LRGUK: variants seen among roughly 807,000 people sequenced by gnomAD.
LRGUK encodes the protein leucine rich repeats and guanylate kinase domain containing, also known as leucine-rich repeat and guanylate kinase domain-containing protein.
In LRGUK, 65 loss-of-function variants were observed where a neutral mutation model predicts 76.0. The observed-to-expected ratio is 0.85, with a 90% CI of 0.70 to 1.05. The LOEUF (loss-of-function observed/expected upper bound fraction) is 1.05. Ranked by LOEUF, LRGUK falls within the 50% of genes least tolerant of loss-of-function variation. The probability of loss-of-function intolerance (pLI) is 0.00; values close to 1 mark genes in which losing one functional copy is unlikely to be tolerated. For synonymous variants in LRGUK, 268 were observed against 265.6 expected (o/e 1.01, Z -0.09); for missense variants, 758 against 732.8 (o/e 1.03, Z -0.40).
chr7:134,180,526 T>C (rs1019703242), intron 10 of LRGUK, among the ~76,000 whole-genome samples: 4 of 152,150 alleles, frequency 2.6e-5, no homozygotes, highest in African/African-American at 7.2e-5. Flanking sequence ...ATTTCCTTTT[T>C]TCCCACACCA....
At chr7:134,263,745 A>G in intron 19 of LRGUK, 100 bp from the exon 20 acceptor site, 2 of 1,183,660 alleles carry the variant, frequency 1.7e-6, no homozygotes, top group Non-Finnish European at 2.3e-6. Context: ...GTCATGAACG[A>G]ATTCTAGAAA....
chr7:134,157,683 C>T (rs1032218391), intron 5 of LRGUK, among the ~76,000 whole-genome samples: 8 of 152,102 alleles, frequency 5.3e-5, no homozygotes, highest in African/African-American at 9.7e-5. Context: ...CCACCACGCC[C>T]GGCTAATTTT....
chr7:134,183,833 T>G lies in LRGUK; in HGVS notation c.1314T>G (p.Phe438Leu), dbSNP rs780695678. The G allele has an allele frequency of 1.9e-6, 3 of 1,614,104 alleles. No individual in the cohort carries two copies. The South Asian group carries it at 3.3e-5, about 18-fold the overall frequency. Reference sequence around the variant, plus strand: ...TTGCCCATCGCCTCTGCAGACAGTTTAGCACTTACTTCAGATATGGGTAAG... The same window carrying G: ...TTGCCCATCGCCTCTGCAGACAGTTGAGCACTTACTTCAGATATGGGTAAG... Residue 438 changes from phenylalanine (F) to leucine (L), a missense_variant, in exon 11 of 16, where the codon TTT becomes TTG. Transcript: ENST00000645682.
chr7:134,242,790 T>C (rs1055880781), intron 16 of LRGUK, among the ~76,000 whole-genome samples: 2 of 152,184 alleles, frequency 1.3e-5, no homozygotes, highest in African/African-American at 4.8e-5. Context: ...TGATCATCGA[T>C]GCAAAAATCC....
intron 11 of LRGUK, among the ~76,000 whole-genome samples, chr7:134,186,805 G>A (rs1799996652): frequency 6.6e-6 from 1 of 152,194 alleles, no homozygotes; most frequent in Admixed American, 6.5e-5. Context: ...AATTTAGGTG[G>A]AGGCACAAGA....
intron 16 of LRGUK, among the ~76,000 whole-genome samples, chr7:134,235,373 C>G (rs554113416): frequency 1.3e-5 from 2 of 152,298 alleles, no homozygotes; most frequent in South Asian, 4.1e-4. Flanking sequence ...TTCTGGAACA[C>G]TCTTTCCCCA....
intron 7 of LRGUK, among the ~76,000 whole-genome samples, chr7:134,170,895 C>T (rs544910443): frequency 2.0e-5 from 3 of 152,236 alleles, no homozygotes; most frequent in African/African-American, 7.2e-5. Flanking sequence ...TTCCATTGAT[C>T]TGTCTGTTGA....
chr7:134,209,509 C>T, exon 16 of LRGUK: 1 of 399,232 alleles, frequency 2.5e-6, no homozygotes, highest in Non-Finnish European at 4.4e-6. Flanking sequence ...CCAGGGGAGC[C>T]CCGGGGACCT....
At chr7:134,165,202 T>C (rs1798919964) in intron 7 of LRGUK, among the ~76,000 whole-genome samples, 2 of 152,202 alleles carry the variant, frequency 1.3e-5, no homozygotes, top group Admixed American at 6.5e-5. Flanking sequence ...TGAGTACTTA[T>C]GTACCAGGCA....
chr7:134,255,264 C>A (rs1401389564), intron 18 of LRGUK, among the ~76,000 whole-genome samples: 1 of 138,968 alleles, frequency 7.2e-6, no homozygotes, highest in Admixed American at 7.5e-5. Flanking sequence ...CACACACACA[C>A]AAATTTATAA....
intron 7 of LRGUK, among the ~76,000 whole-genome samples, chr7:134,170,613 A>G (rs1585484130): frequency 6.6e-6 from 1 of 152,280 alleles, no homozygotes; most frequent in African/African-American, 2.4e-5. Flanking sequence ...TGATCATTAC[A>G]CATTGTATGC....
rs111246418 is a variant in LRGUK, at chr7:134,147,138, C to A, written c.589-1100C>A. Among the ~76,000 whole-genome samples the A allele has an allele frequency of 3.3e-5, 5 of 152,114 alleles. No individual in the cohort carries two copies. The East Asian group carries it at 9.7e-4, about 29-fold the overall frequency. Reference sequence around the variant, plus strand: ...AATAAATAAGTAAGACTAGGCCGGGCGCAGTGGCTCACACCTATAATCCCA... The same window carrying A: ...AATAAATAAGTAAGACTAGGCCGGGAGCAGTGGCTCACACCTATAATCCCA... On this transcript the variant is annotated intron_variant, in intron 4 of 15. Transcript: ENST00000645682.
chr7:134,267,501 G>C (rs935778819), downstream of LRGUK, among the ~76,000 whole-genome samples: 1 of 152,162 alleles, frequency 6.6e-6, no homozygotes, highest in African/African-American at 2.4e-5. Flanking sequence ...TGTTGTGGGA[G>C]GGACCTGGTG....
intron 1 of LRGUK, among the ~76,000 whole-genome samples, chr7:134,134,026 C>T (rs1300114236): frequency 6.6e-6 from 1 of 151,190 alleles, no homozygotes; most frequent in African/African-American, 2.4e-5. Flanking sequence ...CACAACACTA[C>T]ATTTCAGCCC....
chr7:134,127,626 T>C (rs148303643), exon 1 of LRGUK: 18 of 1,613,924 alleles, frequency 1.1e-5, no homozygotes, highest in East Asian at 6.7e-5. Context: ...CGAGGCGGGA[T>C]CCGAGGAGTC....
intron 6 of LRGUK, among the ~76,000 whole-genome samples, chr7:134,159,165 T>A (rs1312399264): frequency 6.6e-6 from 1 of 151,460 alleles, no homozygotes; most frequent in Admixed American, 6.6e-5. Flanking sequence ...AGCCAGACAC[T>A]GTCTCTACAA....
chr7:134,241,468 A>C (rs1396516090), intron 16 of LRGUK, among the ~76,000 whole-genome samples: 5 of 152,274 alleles, frequency 3.3e-5, no homozygotes, highest in African/African-American at 1.2e-4. Flanking sequence ...AAGCCATTAC[A>C]TAATGGTAAA....
intron 10 of LRGUK, among the ~76,000 whole-genome samples, chr7:134,182,528 G>A (rs1198036635): frequency 2.0e-5 from 3 of 152,080 alleles, no homozygotes; most frequent in Non-Finnish European, 4.4e-5. Flanking sequence ...GTTTCCCATA[G>A]GCTTTTGCTC....
exon 15 of LRGUK, chr7:134,201,524 A>T: frequency 1.2e-6 from 2 of 1,613,992 alleles, no homozygotes; most frequent in Non-Finnish European, 1.7e-6. Context: ...AGCTCATTAG[A>T]GAATACCTTG....
Sources: gnomAD v4.1 joint callset for allele counts (sites outside exome capture counted in the v4.1 genomes callset) on GRCh38, gnomAD v4.1.1 for gene constraint, MANE v1.5 for transcripts, NCBI Gene and HGNC (gene_info 2026-07-23, HGNC 2026-07-21) for gene names.